Variants in GLIS2 observed in about 807,000 individuals in gnomAD.
GLIS2 encodes the protein GLIS family zinc finger 2, also known as zinc finger protein GLIS2.
In GLIS2, 14 loss-of-function variants were observed where a neutral mutation model predicts 35.6. That is an observed-to-expected ratio of 0.39 (90% CI 0.26 to 0.61). The LOEUF is 0.61. Among genes scored for constraint, GLIS2 ranks in the 20% least tolerant of loss-of-function variants. The probability of loss-of-function intolerance (pLI) is 0.48; values close to 1 mark genes in which losing one functional copy is unlikely to be tolerated. For missense variants in GLIS2, 675 were observed against 713.4 expected (o/e 0.95, Z 0.61); for synonymous variants, 368 against 325.1 (o/e 1.13, Z -1.42).
chr16:4,317,556 C>G (rs1488911456), intron 1 of GLIS2, among the ~76,000 whole-genome samples: 1 of 152,136 alleles, frequency 6.6e-6, no homozygotes, highest in African/African-American at 2.4e-5. Flanking sequence ...CACAGCTGTC[C>G]AGGCCCAGCC....
Position 4,338,237 on chromosome 16 carries a change from T to C in GLIS2, c.*713T>C, listed in dbSNP as rs2053581000. 1 of 152,974 alleles carries C rather than the reference T, an allele frequency of 6.5e-6. No homozygotes were observed. Among genetic ancestry groups the C allele is most frequent in the Non-Finnish European group, 1.5e-5 (1 of 68,392 alleles). The allele number at this position is 152,974 out of a possible 1,614,324, so 9.5% of individuals were successfully genotyped here. On this transcript the variant is annotated 3_prime_UTR_variant, in exon 7 of 7. Transcript: ENST00000433375. Reference sequence around the variant, plus strand: ...CCCCTGCACCCCAGGGTCTCCTCCCTCTACCTTTTGGGGCACCCTGGGAGC... The same window carrying C: ...CCCCTGCACCCCAGGGTCTCCTCCCCCTACCTTTTGGGGCACCCTGGGAGC...
Position 4,337,662 on chromosome 16 carries a change from G to A in GLIS2, c.*138G>A, listed in dbSNP as rs2053572405. 7.8e-7 allele frequency: 1 copy of A among 1,280,782 alleles called. No homozygotes were observed. The highest frequency in any genetic ancestry group is 1.1e-6 in the Non-Finnish European group (1 of 920,190). 79.3% of individuals were successfully genotyped at this position (1,280,782 alleles called of 1,614,324 possible). A position where few individuals can be genotyped will look rare whatever the true frequency, so the allele number is the denominator to read the frequency against. ...GCCCAGCCCGCCGGGAGCAAGGATGGTGCTAGGTCATTCATGGCTGGCCTC... is the reference window on the plus strand; with the variant it reads ...GCCCAGCCCGCCGGGAGCAAGGATGATGCTAGGTCATTCATGGCTGGCCTC... On this transcript the variant is annotated 3_prime_UTR_variant, in exon 7 of 7. Coordinates refer to ENST00000433375, the MANE Select transcript of GLIS2 (RefSeq NM_032575.3).
At chr16:4,322,224 A>C (rs1238403210) in intron 1 of GLIS2, among the ~76,000 whole-genome samples, 1 of 151,484 alleles carries the variant, frequency 6.6e-6, no homozygotes, top group Non-Finnish European at 1.5e-5. Context: ...AGCAGGTGGC[A>C]CTCTTCTGTG....
At chr16:4,323,624 G>A (rs768715429) in intron 1 of GLIS2, among the ~76,000 whole-genome samples, 6 of 152,182 alleles carry the variant, frequency 3.9e-5, no homozygotes, top group African/African-American at 9.7e-5. Context: ...TGGCGTTGGA[G>A]AAGGAAGTGC....
Position 4,337,926 on chromosome 16 carries a change from T to G in GLIS2, c.*402T>G. The stretch of plus-strand genomic sequence containing the variant: ...GTGGGGTGGCATCTGCCCTCCCTGC[T>G]AGCACCAGGCTCCCCCTTCCTGAGA... On this transcript the variant is annotated 3_prime_UTR_variant, in exon 7 of 7. Transcript: ENST00000433375. 2.9e-6 allele frequency: 1 copy of G among 348,720 alleles called. No homozygotes were observed. The highest frequency in any genetic ancestry group is 5.5e-6 in the Non-Finnish European group (1 of 182,754). The allele number at this position is 348,720 out of a possible 1,614,324, so 21.6% of individuals were successfully genotyped here. A position where few individuals can be genotyped will look rare whatever the true frequency, so the allele number is the denominator to read the frequency against.
chr16:4,324,484 G>A (rs779502643), intron 1 of GLIS2, among the ~76,000 whole-genome samples: 2 of 152,210 alleles, frequency 1.3e-5, no homozygotes, highest in Non-Finnish European at 2.9e-5. Flanking sequence ...GGTTCTTTGA[G>A]GGGCATAGGC....
chr16:4,321,405 C>A (rs2053378305), intron 1 of GLIS2, among the ~76,000 whole-genome samples: 1 of 152,238 alleles, frequency 6.6e-6, no homozygotes, highest in African/African-American at 2.4e-5. Flanking sequence ...CTCCCCTCCT[C>A]ACTTGGGGGT....
At chr16:4,327,565 CG>C (rs1308452092) in intron 1 of GLIS2, among the ~76,000 whole-genome samples, 1 of 152,008 alleles carries the variant, frequency 6.6e-6, no homozygotes, top group Non-Finnish European at 1.5e-5. Context: ...GGACTGCGGG[CG>C]GGGGGCCGGG....
intron 1 of GLIS2, among the ~76,000 whole-genome samples, chr16:4,323,473 G>T (rs1273114990): frequency 6.6e-6 from 1 of 152,180 alleles, no homozygotes; most frequent in African/African-American, 2.4e-5. Context: ...GGGGGTGGAG[G>T]CCACTGCAGC....
At chr16:4,334,715 T>C (rs1448798412) in intron 3 of GLIS2, 86 bp from the exon 4 acceptor site, 5 of 1,512,418 alleles carry the variant, frequency 3.3e-6, no homozygotes, top group Non-Finnish European at 4.6e-6. Context: ...AATGTCTCTG[T>C]TTGGGGACAC....
chr16:4,317,327 A>G (rs1222506451), intron 1 of GLIS2, among the ~76,000 whole-genome samples: 2 of 152,046 alleles, frequency 1.3e-5, no homozygotes, highest in Admixed American at 1.3e-4. Flanking sequence ...GGGCCATGGA[A>G]AGGGCCTGGG....
chr16:4,324,347 C>G (rs922745262), intron 1 of GLIS2, among the ~76,000 whole-genome samples: 1 of 152,198 alleles, frequency 6.6e-6, no homozygotes, highest in Non-Finnish European at 1.5e-5. Context: ...GGCCTGTCTG[C>G]GGCCAGCTCC....
chr16:4,315,935 C>T (rs1286575680), upstream of GLIS2, among the ~76,000 whole-genome samples: 1 of 148,872 alleles, frequency 6.7e-6, no homozygotes, highest in East Asian at 2.0e-4. Flanking sequence ...GGGGTGGAGG[C>T]CGCCCCCCGC....
At chr16:4,322,312 C>G (rs1460747220) in intron 1 of GLIS2, among the ~76,000 whole-genome samples, 7 of 152,158 alleles carry the variant, frequency 4.6e-5, no homozygotes, top group African/African-American at 1.7e-4. Flanking sequence ...CTCCTGCCTC[C>G]TCGTCTACTC....
At chr16:4,327,389 G>A (rs1475790363) in intron 1 of GLIS2, among the ~76,000 whole-genome samples, 1 of 152,236 alleles carries the variant, frequency 6.6e-6, no homozygotes, top group Non-Finnish European at 1.5e-5. Flanking sequence ...TACCCCCTCT[G>A]GTGTATGACC....
rs186918006 is a variant in GLIS2 at position 4,316,205 on chromosome 16, C to A, written c.-116C>A. On this transcript the variant is annotated 5_prime_UTR_variant, in exon 1 of 7. Transcript: ENST00000433375. ...CTCCCCCGCTCGGCTCCCCGCGCCC[C>A]CCGACCGCCGGAGCCCGCAGCCCGG... 0.17 allele frequency among the ~76,000 whole-genome samples: 23,736 copies of A among 143,508 alleles called. 2,453 individuals are homozygous for A. The highest frequency in any genetic ancestry group is 0.23 in the Middle Eastern group (63 of 274). The allele number at this position is 143,508 out of a possible 152,430, so 94.1% of individuals were successfully genotyped here.
In GLIS2 at chr16:4,335,664, C is replaced by T. The variant is rs552186864; in HGVS notation, c.775+271C>T. ...TTCTGACTAATGCCACCTCTGTGAT[C>T]GCAGAGGCCAGGTCGGCTTCACTCC... On this transcript the variant is annotated intron_variant, in intron 6 of 6. Coordinates refer to ENST00000433375, the MANE Select transcript of GLIS2 (RefSeq NM_032575.3). The surrounding 1 kb of genome is among the most constrained non-coding windows in gnomAD (Gnocchi z 4.6). 1.4e-4 allele frequency among the ~76,000 whole-genome samples: 22 copies of T among 152,304 alleles called. No individual in the cohort carries two copies. The highest frequency in any genetic ancestry group is 2.5e-4 in the Non-Finnish European group (17 of 68,014).
intron 1 of GLIS2, among the ~76,000 whole-genome samples, chr16:4,323,861 T>C (rs1426890701): frequency 2.0e-5 from 3 of 152,176 alleles, no homozygotes; most frequent in Admixed American, 6.5e-5. Flanking sequence ...CCTTGCAAGA[T>C]GCCCTGAGTC....
chr16:4,335,334 C>A lies in GLIS2; in HGVS notation c.716C>A (p.Thr239Asn), dbSNP rs1248104828. Residue 239 changes from threonine to asparagine, a missense_variant, in exon 6 of 7, where the codon ACC (threonine) becomes AAC (asparagine). By Grantham distance (65) the Thr-to-Asn change is moderately conservative. Coordinates refer to ENST00000433375, the MANE Select transcript of GLIS2 (RefSeq NM_032575.3). The surrounding 1 kb of genome is among the most constrained non-coding windows in gnomAD (Gnocchi z 4.6). ...AACGAGAAGCCACACCGCTGTCCGA[C>A]CTGCAGCAAGAGCTTCTCCCGCCTG... ...HTNEKPHRCPTCSKSFSRLEN... is the reference protein window; with the variant it reads ...HTNEKPHRCPNCSKSFSRLEN... 1 of 1,613,740 alleles carries A rather than the reference C, an allele frequency of 6.2e-7. No homozygotes were observed. The highest frequency in any genetic ancestry group is 1.3e-5 in the African/African-American group (1 of 74,928).
Sources: allele counts gnomAD v4.1 joint callset (sites outside exome capture counted in the v4.1 genomes callset), GRCh38; gene constraint gnomAD v4.1.1; non-coding constraint Gnocchi (gnomAD v3.1); transcripts MANE v1.5; gene names NCBI Gene and HGNC (gene_info 2026-07-23, HGNC 2026-07-21).